FECH: variants seen among roughly 807,000 people sequenced by gnomAD.
FECH encodes ferrochelatase, mitochondrial.
In FECH, 40 loss-of-function variants were observed where a neutral mutation model predicts 56.9. That is an observed-to-expected ratio of 0.70 (90% confidence interval 0.55 to 0.92). The LOEUF (loss-of-function observed/expected upper bound fraction) is 0.92, where lower values mean the gene tolerates loss of function less well. Ranked by LOEUF, FECH falls within the 40% of genes least tolerant of loss-of-function variation. FECH has a pLI of 0.00. For synonymous variants in FECH, 175 were observed against 198.6 expected (o/e 0.88, Z 1.00); for missense variants, 431 against 529.1 (o/e 0.81, Z 1.82).
intron 1 of FECH, among the ~76,000 whole-genome samples, chr18:57,580,739 G>A (rs1265851335): frequency 6.6e-6 from 1 of 152,040 alleles, no homozygotes; most frequent in Non-Finnish European, 1.5e-5. Flanking sequence ...TCCTCCCACT[G>A]CACCCCACCC....
chr18:57,551,442 C>A, intron 9 of FECH, 68 bp from the exon 10 acceptor site: 1 of 1,253,232 alleles, frequency 8.0e-7, no homozygotes. Context: ...TTCAAAGAAA[C>A]TGCTACAAAA....
rs751945260 is a variant in FECH at position 57,554,382 on chromosome 18, T to C, written c.955A>G (p.Ile319Val). Residue 319 changes from isoleucine to valine, a missense_variant, in exon 9 of 11, where the codon ATC (isoleucine) becomes GTC (valine). Coordinates refer to ENST00000262093, the MANE Select transcript of FECH (RefSeq NM_000140.5). ...CTCCCCCTCTCACAAAGCCCTTTGA[T>C]AGATTCGTCTGTTTGAGGACCCAAC... ...PWLGPQTDESIKGLCERGRKN... is the reference protein window; with the variant it reads ...PWLGPQTDESVKGLCERGRKN... 3.1e-6 allele frequency: 5 copies of C among 1,614,226 alleles called. No individual in the cohort carries two copies. The highest frequency in any genetic ancestry group is 4.2e-6 in the Non-Finnish European group (5 of 1,180,030).
At position 57,559,094 on chromosome 18, in the gene FECH, A is replaced by T. The variant is rs779314426; in HGVS notation, c.804+51T>A. On this transcript the variant is annotated intron_variant, in intron 7 of 10. Transcript: ENST00000262093. ...CCCATTTTACACATTTAGAAAATGA[A>T]ATCACCCAATCCTCTATCACTAGGT... 4 of 1,227,046 alleles carry T rather than the reference A, an allele frequency of 3.3e-6. No homozygotes were observed. In the African/African-American group the frequency reaches 6.0e-5, roughly 18 times the overall value. 76.0% of individuals were successfully genotyped at this position (1,227,046 alleles called of 1,614,324 possible).
At chr18:57,575,177 C>T (rs905595898) in intron 2 of FECH, among the ~76,000 whole-genome samples, 4 of 152,166 alleles carry the variant, frequency 2.6e-5, no homozygotes, top group Non-Finnish European at 5.9e-5. Flanking sequence ...TGAATCAGTA[C>T]ACTTCACTCC....
intron 2 of FECH, among the ~76,000 whole-genome samples, chr18:57,577,123 A>G (rs191705735): frequency 1.5e-3 from 221 of 152,306 alleles, no homozygotes; most frequent in African/African-American, 4.9e-3. Context: ...GCCTCAAGAA[A>G]AAGTAATACG....
intron 2 of FECH, among the ~76,000 whole-genome samples, chr18:57,573,901 A>T (rs1029583138): frequency 1.3e-5 from 2 of 152,222 alleles, no homozygotes; most frequent in African/African-American, 4.8e-5. Context: ...GGTTCCCCCA[A>T]AATTTTAAAC....
intron 4 of FECH, 150 bp from the exon 5 acceptor site, chr18:57,566,731 G>T: frequency 1.0e-6 from 1 of 957,086 alleles, no homozygotes; most frequent in Non-Finnish European, 1.6e-6. Flanking sequence ...CATATTCCTT[G>T]GATCTTATCC....
In FECH at chr18:57,559,230, T is replaced by A; in HGVS notation, c.719A>T (p.His240Leu). The change falls in exon 7 of 11, where the codon CAT becomes CTT. Residue 240 changes from histidine to leucine, a missense_variant. His to Leu is a moderately conservative substitution (Grantham distance 99). Transcript: ENST00000262093. ...AAAATGGTCCAGTTCCTTTAGAATA[T>A]GATCTGCAAAGCACTGAGTGAGTAA... ...HHLLIQCFAD[H>L]ILKELDHFPL... 6.2e-7 allele frequency: 1 copy of A among 1,611,772 alleles called. No homozygotes were observed. Among genetic ancestry groups the A allele is most frequent in the Non-Finnish European group, 8.5e-7 (1 of 1,178,106 alleles).
At chr18:57,583,778 T>C (rs2051321352) in intron 1 of FECH, among the ~76,000 whole-genome samples, 1 of 151,844 alleles carries the variant, frequency 6.6e-6, no homozygotes. Flanking sequence ...CTAGGCCATG[T>C]GGAGAGACCC....
chr18:57,578,215 G>A (rs1359134655), intron 2 of FECH, among the ~76,000 whole-genome samples: 1 of 152,168 alleles, frequency 6.6e-6, no homozygotes, highest in African/African-American at 2.4e-5. Flanking sequence ...GAGGGGCTGG[G>A]AGGGGCAAGG....
chr18:57,585,375 A>G (rs2051352719), intron 1 of FECH, among the ~76,000 whole-genome samples: 1 of 152,186 alleles, frequency 6.6e-6, no homozygotes, highest in South Asian at 2.1e-4. Context: ...CTAGACTACA[A>G]ATAATTTAAA....
chr18:57,560,320 G>A (rs762998248), intron 6 of FECH, among the ~76,000 whole-genome samples: 4 of 152,184 alleles, frequency 2.6e-5, no homozygotes, highest in African/African-American at 7.2e-5. Flanking sequence ...CACACGGGGC[G>A]TGTAAATGAT....
Position 57,547,389 on chromosome 18 carries a change from C to G in FECH, c.*3323G>C, listed in dbSNP as rs2050733510. Among the ~76,000 whole-genome samples the G allele has an allele frequency of 6.6e-6, 1 of 152,096 alleles. No individual in the cohort carries two copies. The highest frequency in any genetic ancestry group is 2.1e-4 in the South Asian group (1 of 4,826). On this transcript the variant is annotated 3_prime_UTR_variant, in exon 11 of 11. Coordinates refer to ENST00000262093, the MANE Select transcript of FECH (RefSeq NM_000140.5). ...TAATCCCCACGTGTTGAGGGAGGGA[C>G]CTGGTGGAAGGAGATTGGAACATGG...
chr18:57,575,060 C>T (rs2051165486), intron 2 of FECH, among the ~76,000 whole-genome samples: 1 of 152,108 alleles, frequency 6.6e-6, no homozygotes, highest in African/African-American at 2.4e-5. Flanking sequence ...CAGGACACTT[C>T]ATAGAAATGG....
intron 6 of FECH, among the ~76,000 whole-genome samples, 175 bp downstream of exon 6, chr18:57,562,698 AT>A (rs1174141786): frequency 6.6e-6 from 1 of 152,242 alleles, no homozygotes; most frequent in Non-Finnish European, 1.5e-5. Flanking sequence ...TAATCTTTAA[AT>A]GTATTTTCTC....
chr18:57,569,583 C>T (rs1400626487), intron 4 of FECH, among the ~76,000 whole-genome samples: 10 of 152,098 alleles, frequency 6.6e-5, no homozygotes, highest in South Asian at 4.1e-4. Context: ...CAGGAGGTGG[C>T]GGGAAGGATG....
At position 57,566,530 on chromosome 18, in the gene FECH, T is replaced by G. The variant is rs1391539901; in HGVS notation, c.515A>C (p.Glu172Ala). 1 of 1,614,190 alleles carries G rather than the reference T, an allele frequency of 6.2e-7. No homozygotes were observed. Among genetic ancestry groups the G allele is most frequent in the Non-Finnish European group, 8.5e-7 (1 of 1,180,008 alleles). Reference sequence around the variant, plus strand: ...ATCTCTCTCCATCTCTTCAATTGCTTCTTCTGTTAAAGGATGGACGTACCG... The same window carrying G: ...ATCTCTCTCCATCTCTTCAATTGCTGCTTCTGTTAAAGGATGGACGTACCG... The part of the protein sequence containing the change: ...GFRYVHPLTE[E>A]AIEEMERDGL... Residue 172 changes from glutamate (E) to alanine (A), a missense_variant, in exon 5 of 11, where the codon GAA becomes GCA. Coordinates refer to ENST00000262093, the MANE Select transcript of FECH (RefSeq NM_000140.5).
chr18:57,584,451 C>T (rs1426327577), intron 1 of FECH, among the ~76,000 whole-genome samples: 1 of 150,752 alleles, frequency 6.6e-6, no homozygotes, highest in Non-Finnish European at 1.5e-5. Flanking sequence ...CATGTTGTTG[C>T]AAAAAGAAAT....
rs1317415508 is a variant in FECH, at chr18:57,546,969, A to G, written c.*3743T>C. On this transcript the variant is annotated 3_prime_UTR_variant, in exon 11 of 11. Transcript: ENST00000262093. Reference sequence around the variant, plus strand: ...AGCGAGACTCCATCTCAAAAAAAAAAAAAAAAAATTTAAGGAGTGCCCTGC... The same window carrying G: ...AGCGAGACTCCATCTCAAAAAAAAAGAAAAAAAATTTAAGGAGTGCCCTGC... 6.6e-6 allele frequency among the ~76,000 whole-genome samples: 1 copy of G among 151,848 alleles called. No individual in the cohort carries two copies. The highest frequency in any genetic ancestry group is 2.4e-5 in the African/African-American group (1 of 41,324).
Sources: allele counts gnomAD v4.1 joint callset (sites outside exome capture counted in the v4.1 genomes callset), GRCh38; gene constraint gnomAD v4.1.1; transcripts MANE v1.5; gene names NCBI Gene and HGNC (gene_info 2026-07-23, HGNC 2026-07-21).